Variants in HOPX observed in about 807,000 individuals in gnomAD.
HOPX encodes the protein HOP homeobox.
HOPX carries 5 observed loss-of-function variants against 11.8 expected under a neutral mutation model. The observed-to-expected ratio is 0.43, with a 90% CI of 0.22 to 0.89. The LOEUF (loss-of-function observed/expected upper bound fraction) is 0.89, where lower values mean the gene tolerates loss of function less well. HOPX is among the 40% of genes least tolerant of loss of function. The pLI is 0.28. For missense variants in HOPX, 119 were observed against 120.0 expected (o/e 0.99, Z 0.04); for synonymous variants, 49 against 49.7 (o/e 0.99, Z 0.06).
At position 56,669,273 on chromosome 4, in the gene HOPX, G is replaced by C. The variant is rs145928308; in HGVS notation, c.-83-11374C>G. Among the ~76,000 whole-genome samples the C allele has an allele frequency of 1.6e-3, 228 of 144,316 alleles. 1 individual carries two copies. Among genetic ancestry groups the C allele is most frequent in the African/African-American group, 5.9e-3 (212 of 36,054 alleles). 94.7% of individuals were successfully genotyped at this position (144,316 alleles called of 152,430 possible). A position where few individuals can be genotyped will look rare whatever the true frequency, so the allele number is the denominator to read the frequency against. On this transcript the variant is annotated intron_variant, in intron 1 of 3. Transcript: ENST00000420433. ...CTTTGTGCCTAGTTTCTACTTCAAG[G>C]GACAACGGAGGAACCCATGAAACAC...
At chr4:56,672,667 G>A (rs1718801442) in intron 1 of HOPX, 1 of 151,748 alleles carries the variant, frequency 6.6e-6, no homozygotes, top group Non-Finnish European at 1.5e-5. Context: ...GTCTATTTTT[G>A]TATTTTTAGT....
rs113431848 is a variant in HOPX, at chr4:56,656,229, G to A, written c.43-217C>T. On this transcript the variant is annotated intron_variant, in intron 2 of 3. Transcript: ENST00000420433. Reference sequence around the variant, plus strand: ...CTCCCTGGACTGAGCGCTGTTGCGGGCTGACGGCAGAGCCTAGCGTCCTGC... The same window carrying A: ...CTCCCTGGACTGAGCGCTGTTGCGGACTGACGGCAGAGCCTAGCGTCCTGC... 2,871 of 1,149,416 alleles carry A rather than the reference G, an allele frequency of 2.5e-3. 57 individuals are homozygous for A. The African/African-American group carries it at 0.043, about 17-fold the overall frequency. 71.2% of individuals were successfully genotyped at this position (1,149,416 alleles called of 1,614,324 possible).
At chr4:56,661,118 T>C (rs1212952509) in intron 1 of HOPX, among the ~76,000 whole-genome samples, 1 of 152,168 alleles carries the variant, frequency 6.6e-6, no homozygotes, top group Non-Finnish European at 1.5e-5. Context: ...AGCCACTGCT[T>C]TTTAAATTAG....
chr4:56,678,259 C>A (rs1560377139), intron 1 of HOPX, among the ~76,000 whole-genome samples: 1 of 151,296 alleles, frequency 6.6e-6, no homozygotes, highest in Non-Finnish European at 1.5e-5. Flanking sequence ...TGGCATGGGG[C>A]CATCCCCATC....
rs142097071 is a variant in HOPX, at chr4:56,653,467, G to A, written c.198+2390C>T. Among the ~76,000 whole-genome samples, 84 of 152,290 alleles carry A rather than the reference G, an allele frequency of 5.5e-4. No homozygotes were observed. The East Asian group carries it at 0.014, about 26-fold the overall frequency. ...AGTACCCATGGGGGTAGTGGGGTGA[G>A]AGGGGAAAGAATGGGAAATTGAAAG... is the stretch of plus-strand genomic sequence containing the variant. On this transcript the variant is annotated intron_variant, in intron 3 of 3. Transcript: ENST00000420433.
intron 3 of HOPX, chr4:56,650,670 A>T (rs766471344): frequency 1.2e-5 from 19 of 1,551,686 alleles, no homozygotes; most frequent in Non-Finnish European, 1.7e-5. Flanking sequence ...ACAGTTGTCA[A>T]GATCTTACAT....
In HOPX at chr4:56,655,979, C is replaced by T. The variant is rs1394725986; in HGVS notation, c.76G>A (p.Gly26Ser). ...ATTTCCACCTGGTCCTCTGTGGGGC[C>T]GCTCGCGGTCTCCGCCGACATGGTC... ...AGTMSAETAS[G>S]PTEDQVEILE... The change falls in exon 3 of 4, where the codon GGC (glycine) becomes AGC (serine). Residue 26 changes from glycine (G) to serine (S), a missense_variant. Coordinates refer to ENST00000420433, the MANE Select transcript of HOPX (RefSeq NM_032495.6). 1 of 1,606,696 alleles carries T rather than the reference C, an allele frequency of 6.2e-7. No homozygotes were observed. Among genetic ancestry groups the T allele is most frequent in the Non-Finnish European group, 8.5e-7 (1 of 1,177,116 alleles).
At chr4:56,677,697 G>A (rs1719087001) in intron 1 of HOPX, among the ~76,000 whole-genome samples, 1 of 151,492 alleles carries the variant, frequency 6.6e-6, no homozygotes, top group African/African-American at 2.5e-5. Flanking sequence ...ACTGACACCT[G>A]CACCCATACA....
intron 3 of HOPX, among the ~76,000 whole-genome samples, chr4:56,652,489 G>A (rs1010867118): frequency 6.6e-6 from 1 of 152,092 alleles, no homozygotes; most frequent in Admixed American, 6.6e-5. Context: ...CCTTTCCCAT[G>A]GAAAGGAGCA....
At chr4:56,671,954 T>G (rs1718757067) in intron 1 of HOPX, among the ~76,000 whole-genome samples, 3 of 152,116 alleles carry the variant, frequency 2.0e-5, no homozygotes, top group Admixed American at 2.0e-4. Flanking sequence ...TGTTGTAGGA[T>G]TCCATGAGAT....
At chr4:56,673,845 C>T (rs1204100611) in intron 1 of HOPX, among the ~76,000 whole-genome samples, 1 of 151,984 alleles carries the variant, frequency 6.6e-6, no homozygotes, top group Non-Finnish European at 1.5e-5. Flanking sequence ...GCTGGGATTA[C>T]AGGCATGCAC....
intron 1 of HOPX, among the ~76,000 whole-genome samples, chr4:56,672,238 G>A (rs1268273807): frequency 6.6e-6 from 1 of 151,986 alleles, no homozygotes; most frequent in African/African-American, 2.4e-5. Flanking sequence ...ATAAAGCCAA[G>A]TTTAAGAAAA....
chr4:56,663,727 C>A (rs1241065391), intron 1 of HOPX: 3 of 152,120 alleles, frequency 2.0e-5, no homozygotes, highest in Non-Finnish European at 4.4e-5. Flanking sequence ...CCTCATGATC[C>A]GCCAGCCTCG....
chr4:56,670,911 C>G (rs756384725), intron 1 of HOPX, among the ~76,000 whole-genome samples: 3 of 151,452 alleles, frequency 2.0e-5, no homozygotes. Context: ...GTAGGAGAAT[C>G]GCTTGAACCC....
chr4:56,654,205 T>C (rs1162540950), intron 3 of HOPX, among the ~76,000 whole-genome samples: 4 of 152,224 alleles, frequency 2.6e-5, no homozygotes, highest in African/African-American at 7.2e-5. Flanking sequence ...TAATAGTATC[T>C]ACCCTCACAG....
chr4:56,656,176 C>T (rs903160049), intron 2 of HOPX, 164 bp from the exon 3 acceptor site: 3 of 1,117,632 alleles, frequency 2.7e-6, no homozygotes, highest in African/African-American at 3.3e-5. Context: ...TGAGCGGGGG[C>T]TTACGGCTGC....
chr4:56,680,018 T>C (rs1719243048), intron 1 of HOPX: 1 of 152,186 alleles, frequency 6.6e-6, no homozygotes, highest in African/African-American at 2.4e-5. Context: ...CTTCATGAAC[T>C]TAAAACCAAG....
intron 1 of HOPX, among the ~76,000 whole-genome samples, chr4:56,670,230 G>A (rs766120146): frequency 3.4e-4 from 52 of 152,258 alleles, no homozygotes; most frequent in Admixed American, 2.9e-3. Context: ...GCACAGCCAC[G>A]CACTCAGGGC....
chr4:56,673,307 A>G (rs1431574809), intron 1 of HOPX, among the ~76,000 whole-genome samples: 1 of 152,174 alleles, frequency 6.6e-6, no homozygotes, highest in East Asian at 1.9e-4. Context: ...GGAGAGCAGG[A>G]GAAATGGAAT....
Sources: allele counts gnomAD v4.1 joint callset (sites outside exome capture counted in the v4.1 genomes callset), GRCh38; gene constraint gnomAD v4.1.1; transcripts MANE v1.5; gene names NCBI Gene and HGNC (gene_info 2026-07-23, HGNC 2026-07-21).